MCM10: variants seen among roughly 807,000 people sequenced by gnomAD.
MCM10 encodes minichromosome maintenance 10 replication initiation factor.
A neutral mutation model predicts 109.9 loss-of-function variants in MCM10; 91 were observed. That is an observed-to-expected ratio of 0.83 (90% CI 0.70 to 0.99). The LOEUF (loss-of-function observed/expected upper bound fraction) is 0.99, where lower values mean the gene tolerates loss of function less well. MCM10 is among the 50% of genes least tolerant of loss of function. The pLI is 0.00. For synonymous variants in MCM10, 380 were observed against 387.2 expected, an observed-to-expected ratio of 0.98 and a Z score of 0.22; for missense variants, 1,077 against 1,061.2, an observed-to-expected ratio of 1.01 and a Z score of -0.21.
At chr10:13,203,955 T>C (rs1478698879) in intron 17 of MCM10, among the ~76,000 whole-genome samples, 1 of 152,172 alleles carries the variant, frequency 6.6e-6, no homozygotes, top group Non-Finnish European at 1.5e-5. Flanking sequence ...ATGGAACGTG[T>C]TACACAATAA....
chr10:13,172,866 T>C lies in MCM10; in HGVS notation c.592+101T>C, dbSNP rs934321072. Reference sequence around the variant, plus strand: ...GGTGTCTGTGTCTTTTGGTCTGTCTTATGTCCCCATTGAGAAAGAAAGTTT... The same window carrying C: ...GGTGTCTGTGTCTTTTGGTCTGTCTCATGTCCCCATTGAGAAAGAAAGTTT... On this transcript the variant is annotated intron_variant, in intron 5 of 19. Coordinates refer to ENST00000378714, the MANE Select transcript of MCM10 (RefSeq NM_018518.5). This position sits in a 1 kb window ranked among gnomAD's most constrained non-coding sequence, Gnocchi z 5.2. 17 of 1,112,200 alleles carry C rather than the reference T, an allele frequency of 1.5e-5. No individual in the cohort carries two copies. The highest frequency in any genetic ancestry group is 2.6e-5 in the Admixed American group (1 of 38,364). The allele number at this position is 1,112,200 out of a possible 1,614,324, so 68.9% of individuals were successfully genotyped here. A position where few individuals can be genotyped will look rare whatever the true frequency, so the allele number is the denominator to read the frequency against.
chr10:13,166,507 T>A (rs1287144639), intron 2 of MCM10, among the ~76,000 whole-genome samples: 2 of 151,514 alleles, frequency 1.3e-5, no homozygotes, highest in African/African-American at 4.9e-5. Flanking sequence ...TGGTGGCACA[T>A]GCCTGTAATC....
chr10:13,200,902 T>C (rs1834489500), intron 16 of MCM10, among the ~76,000 whole-genome samples: 1 of 152,210 alleles, frequency 6.6e-6, no homozygotes, highest in Non-Finnish European at 1.5e-5. Flanking sequence ...CCTAGCACTT[T>C]GGGAGGCCAA....
chr10:13,196,823 T>A (rs1231948765), intron 14 of MCM10, among the ~76,000 whole-genome samples: 1 of 151,764 alleles, frequency 6.6e-6, no homozygotes. Flanking sequence ...AGGAATGTAT[T>A]TGCTATGTAA....
In MCM10 at chr10:13,172,830, A is replaced by ATG; in HGVS notation, c.592+74_592+75dup. 3 of 1,517,704 alleles carry ATG rather than the reference A, an allele frequency of 2.0e-6. No homozygotes were observed. Among genetic ancestry groups the ATG allele is most frequent in the South Asian group, 2.3e-5 (2 of 86,012 alleles). 94.0% of individuals were successfully genotyped at this position (1,517,704 alleles called of 1,614,324 possible). A position where few individuals can be genotyped will look rare whatever the true frequency, so the allele number is the denominator to read the frequency against. On this transcript the variant is annotated intron_variant, in intron 5 of 19. Transcript: ENST00000378714. The surrounding 1 kb of genome is among the most constrained non-coding windows in gnomAD (Gnocchi z 5.2). ...TGTGTTTATGTGTGTGGGGGTGTTC[A>ATG]TGTGTGTGTGGGTGTCTGTGTCTTT... is the stretch of plus-strand genomic sequence containing the variant.
At chr10:13,164,075 G>A in intron 1 of MCM10, 53 bp from the exon 2 acceptor site, 1 of 739,488 alleles carries the variant, frequency 1.4e-6, no homozygotes, top group Non-Finnish European at 2.1e-6. Flanking sequence ...GATGTGTGTT[G>A]TGAGAGAAAG....
intron 1 of MCM10, among the ~76,000 whole-genome samples, chr10:13,163,563 TG>T (rs1833955577): frequency 6.6e-6 from 1 of 151,724 alleles, no homozygotes; most frequent in Non-Finnish European, 1.5e-5. Flanking sequence ...ATCAAAATCC[TG>T]ATTGTCACTA....
intron 9 of MCM10, among the ~76,000 whole-genome samples, chr10:13,188,106 C>T (rs1443127723): frequency 6.6e-6 from 1 of 152,090 alleles, no homozygotes; most frequent in Non-Finnish European, 1.5e-5. Flanking sequence ...GATCACGCCA[C>T]TGCACTCCAG....
In MCM10 at chr10:13,192,565, A is replaced by C. The variant is rs747247216; in HGVS notation, c.1742A>C (p.Lys581Thr). The C allele has an allele frequency of 6.2e-7, 1 of 1,613,876 alleles. No homozygotes were observed. Among genetic ancestry groups the C allele is most frequent in the East Asian group, 2.2e-5 (1 of 44,878 alleles). The change falls in exon 13 of 20, where the codon AAG (lysine) becomes ACG (threonine). Residue 581 changes from lysine (K) to threonine (T), a missense_variant. Lys to Thr is a moderately conservative substitution (Grantham distance 78, BLOSUM62 -1). Coordinates refer to ENST00000378714, the MANE Select transcript of MCM10 (RefSeq NM_018518.5). Reference sequence around the variant, plus strand: ...AGAAGGAAATCAGAAGAAATACAGAAGCGGTAAGAGGAGCAGATTTAATAT... The same window carrying C: ...AGAAGGAAATCAGAAGAAATACAGACGCGGTAAGAGGAGCAGATTTAATAT... ...MRRRKSEEIQ[K>T]RFLQSSSEVE...
chr10:13,170,957 C>T lies in MCM10; in HGVS notation c.43C>T (p.Leu15=). ...CAATCTGTCTCTGCTGACCGCACTGCTGGAAGAAAATGAGTCAGCCTTGGA... is the reference window on the plus strand; with the variant it reads ...CAATCTGTCTCTGCTGACCGCACTGTTGGAAGAAAATGAGTCAGCCTTGGA... ...EDNLSLLTAL[L]EENESALDCN... The change falls in exon 3 of 20, where the codon CTG becomes TTG. Residue 15 remains leucine, a synonymous_variant. Coordinates refer to ENST00000378714, the MANE Select transcript of MCM10 (RefSeq NM_018518.5). The T allele has an allele frequency of 6.2e-7, 1 of 1,614,188 alleles. No individual in the cohort carries two copies. Among genetic ancestry groups the T allele is most frequent in the Non-Finnish European group, 8.5e-7 (1 of 1,180,022 alleles).
Position 13,192,576 on chromosome 10 carries a change from G to A in MCM10, c.1745+8G>A, listed in dbSNP as rs769655963. On this transcript the variant is annotated splice_region_variant and intron_variant, in intron 13 of 19. Transcript: ENST00000378714. ...AGAAGAAATACAGAAGCGGTAAGAGGAGCAGATTTAATATTCCCCGCTTGG... is the reference window on the plus strand; with the variant it reads ...AGAAGAAATACAGAAGCGGTAAGAGAAGCAGATTTAATATTCCCCGCTTGG... 6 of 1,612,504 alleles carry A rather than the reference G, an allele frequency of 3.7e-6. No homozygotes were observed. Among genetic ancestry groups the A allele is most frequent in the Admixed American group, 3.3e-5 (2 of 60,014 alleles).
At chr10:13,175,365 C>T in intron 5 of MCM10, 145 bp from the exon 6 acceptor site, 1 of 635,608 alleles carries the variant, frequency 1.6e-6, no homozygotes, top group South Asian at 1.8e-5. Flanking sequence ...TTGCAGTGAT[C>T]CCAGATCACG....
chr10:13,164,266 T>C, intron 2 of MCM10, 57 bp downstream of exon 2: 10 of 1,526,424 alleles, frequency 6.6e-6, no homozygotes, highest in Non-Finnish European at 7.1e-6. Flanking sequence ...CTTTTGTCCA[T>C]GGACTTGTTA....
rs768161451 is a variant in MCM10, at chr10:13,171,055, T to G, written c.141T>G (p.Asp47Glu). 8 of 1,614,178 alleles carry G rather than the reference T, an allele frequency of 5.0e-6. No individual in the cohort carries two copies. Among genetic ancestry groups the G allele is most frequent in the Non-Finnish European group, 6.8e-6 (8 of 1,180,042 alleles). Residue 47 changes from aspartate to glutamate, a missense_variant, in exon 3 of 20, where the codon GAT becomes GAG. Asp to Glu is a conservative substitution (Grantham distance 45). Coordinates refer to ENST00000378714, the MANE Select transcript of MCM10 (RefSeq NM_018518.5). ...GEPDAFDELF[D>E]ADGDGESYTE... The stretch of plus-strand genomic sequence containing the variant: ...CCGACGCATTTGATGAGCTCTTTGA[T>G]GCCGACGGCGACGGTGAATCTTATA...
At position 13,195,246 on chromosome 10, in the gene MCM10, A is replaced by G. The variant is rs990042213; in HGVS notation, c.1951A>G (p.Ser651Gly). The change falls in exon 14 of 20, where the codon AGT becomes GGT. Residue 651 changes from serine (S) to glycine (G), a missense_variant. By Grantham distance (56) the Ser-to-Gly change is moderately conservative. Coordinates refer to ENST00000378714, the MANE Select transcript of MCM10 (RefSeq NM_018518.5). ...GTCACCACCACCAAGACCAAAACTG[A>G]GTGCTTTAGCAGAAGCCAAAAAGGT... ...DESPPPRPKL[S>G]ALAEAKKLAA... 4 of 1,606,036 alleles carry G rather than the reference A, an allele frequency of 2.5e-6. No homozygotes were observed. The highest frequency in any genetic ancestry group is 3.4e-6 in the Non-Finnish European group (4 of 1,175,802).
intron 15 of MCM10, 89 bp from the exon 16 acceptor site, chr10:13,198,600 G>C (rs1588477887): frequency 1.2e-6 from 1 of 807,952 alleles, no homozygotes; most frequent in East Asian, 2.5e-5. Context: ...AGGCAGAGGA[G>C]GAGGGAGTGG....
intron 13 of MCM10, among the ~76,000 whole-genome samples, chr10:13,193,076 T>G (rs1834370385): frequency 6.6e-6 from 1 of 151,984 alleles, no homozygotes; most frequent in African/African-American, 2.4e-5. Flanking sequence ...TTATAGAGAC[T>G]GGGTTTTGCC....
chr10:13,206,063 A>G (rs1834576295), intron 18 of MCM10, among the ~76,000 whole-genome samples: 1 of 152,122 alleles, frequency 6.6e-6, no homozygotes, highest in African/African-American at 2.4e-5. Flanking sequence ...CCTTCGCACC[A>G]TCCTCTGCCA....
chr10:13,209,401 A>G lies in MCM10; in HGVS notation c.*91A>G. On this transcript the variant is annotated 3_prime_UTR_variant, in exon 20 of 20. Transcript: ENST00000378714. ...GCTGTGTATTGTCCATTGATTCCTG[A>G]TTGACGCCGTCAAAAACAAATGCTT... 1.0e-6 allele frequency: 1 copy of G among 988,016 alleles called. No homozygotes were observed. The highest frequency in any genetic ancestry group is 2.0e-5 in the Admixed American group (1 of 49,252). 61.2% of individuals were successfully genotyped at this position (988,016 alleles called of 1,614,324 possible).
Sources: allele counts gnomAD v4.1 joint callset (sites outside exome capture counted in the v4.1 genomes callset), GRCh38; gene constraint gnomAD v4.1.1; non-coding constraint Gnocchi (gnomAD v3.1); transcripts MANE v1.5; gene names NCBI Gene and HGNC (gene_info 2026-07-23, HGNC 2026-07-21).